The following HPSE2 variants were observed in gnomAD, a reference collection of about 807,000 sequenced individuals.
HPSE2 encodes heparanase 2 (inactive).
Under a neutral mutation model 60.5 loss-of-function variants are expected in HPSE2, and 38 were observed. The ratio of observed to expected loss-of-function variants is 0.63; its 90% CI spans 0.48 to 0.82. HPSE2 has a LOEUF of 0.82. Among genes scored for constraint, HPSE2 ranks in the 40% least tolerant of loss-of-function variants. The probability of loss-of-function intolerance (pLI) is 0.00; values close to 1 mark genes in which losing one functional copy is unlikely to be tolerated. For synonymous variants in HPSE2, 295 were observed against 293.2 expected (o/e 1.01, Z -0.06); for missense variants, 713 against 740.4 (o/e 0.96, Z 0.43).
At chr10:99,204,236 C>T (rs946797950) in intron 2 of HPSE2, among the ~76,000 whole-genome samples, 1 of 152,016 alleles carries the variant, frequency 6.6e-6, no homozygotes, top group South Asian at 2.1e-4. Flanking sequence ...AACAACAGAC[C>T]CACCCCAGTA....
rs955008685 is a variant in HPSE2 at position 98,714,248 on chromosome 10, G to C, written c.956+7409C>G. On this transcript the variant is annotated intron_variant, in intron 5 of 11. Transcript: ENST00000370552. ...CATATCATACAATTCACTCAGAGAA[G>C]TGTTCAATTCAGTAGTTTTTATTAT... Among the ~76,000 whole-genome samples the C allele has an allele frequency of 7.2e-5, 11 of 152,008 alleles. No individual in the cohort carries two copies. In the East Asian group the frequency reaches 1.9e-3, roughly 27 times the overall value.
At chr10:98,667,311 C>T (rs796386640) in intron 6 of HPSE2, among the ~76,000 whole-genome samples, 8 of 152,102 alleles carry the variant, frequency 5.3e-5, no homozygotes, top group African/African-American at 1.9e-4. Flanking sequence ...AAGGAGCCCT[C>T]ACACAGATGA....
At chr10:99,276,783 T>C in the HPSE2 span, among the ~76,000 whole-genome samples, 1 of 152,174 alleles carries the variant, frequency 6.6e-6, no homozygotes, top group African/African-American at 2.4e-5. Flanking sequence ...CATTTAGTTC[T>C]ACAGAAGTAC....
chr10:99,139,126 CT>C (rs1845771932), intron 3 of HPSE2, among the ~76,000 whole-genome samples: 1 of 152,146 alleles, frequency 6.6e-6, no homozygotes, highest in Admixed American at 6.5e-5. Flanking sequence ...AAAATGATGT[CT>C]TTTTCAGCAA....
At chr10:98,770,637 T>G (rs1391479574) in intron 3 of HPSE2, among the ~76,000 whole-genome samples, 1 of 152,040 alleles carries the variant, frequency 6.6e-6, no homozygotes, top group Non-Finnish European at 1.5e-5. Context: ...TAAGATGCCT[T>G]CCCTTCTCCT....
chr10:98,885,027 T>C (rs1203650212), intron 3 of HPSE2, among the ~76,000 whole-genome samples: 6 of 152,296 alleles, frequency 3.9e-5, no homozygotes, highest in East Asian at 3.9e-4. Flanking sequence ...CCTATGGAAA[T>C]GTTTCACCAC....
chr10:98,628,173 G>A (rs890726865), intron 7 of HPSE2, among the ~76,000 whole-genome samples: 2 of 152,168 alleles, frequency 1.3e-5, no homozygotes, highest in Non-Finnish European at 2.9e-5. Context: ...TTGGGGCACC[G>A]TGGGAGGCTT....
intron 3 of HPSE2, among the ~76,000 whole-genome samples, chr10:98,862,660 C>T (rs955804164): frequency 6.6e-6 from 1 of 152,058 alleles, no homozygotes; most frequent in East Asian, 1.9e-4. Context: ...GATAAAACAT[C>T]GGAATTGTAC....
chr10:99,099,711 T>A (rs1472541288), intron 3 of HPSE2, among the ~76,000 whole-genome samples: 2 of 152,100 alleles, frequency 1.3e-5, no homozygotes, highest in Non-Finnish European at 2.9e-5. Flanking sequence ...GGGTCCCTGA[T>A]CCCCGAGTAG....
intron 3 of HPSE2, among the ~76,000 whole-genome samples, chr10:98,795,075 G>GGAAGGAAA (rs1369753557): frequency 8.5e-5 from 11 of 129,902 alleles, no homozygotes; most frequent in Middle Eastern, 4.2e-3. Context: ...AAAGAAGGAA[G>GGAAGGAAA]GAAGGAAAGA....
intron 3 of HPSE2, among the ~76,000 whole-genome samples, chr10:99,082,736 A>T (rs1843188957): frequency 6.6e-6 from 1 of 152,232 alleles, no homozygotes; most frequent in Non-Finnish European, 1.5e-5. Flanking sequence ...GAAAAAATAA[A>T]TTCACAGGGA....
At chr10:98,770,573 G>A (rs1204271812) in intron 3 of HPSE2, among the ~76,000 whole-genome samples, 1 of 152,084 alleles carries the variant, frequency 6.6e-6, no homozygotes, top group Non-Finnish European at 1.5e-5. Context: ...AGATAATTTT[G>A]GCTTGAGGAC....
intron 9 of HPSE2, among the ~76,000 whole-genome samples, chr10:98,557,944 T>A (rs970908068): frequency 6.6e-6 from 1 of 151,998 alleles, no homozygotes; most frequent in African/African-American, 2.4e-5. Context: ...CCAGAATATA[T>A]AAAGAAAAGG....
At chr10:98,829,356 C>T (rs1159026569) in intron 3 of HPSE2, among the ~76,000 whole-genome samples, 1 of 152,058 alleles carries the variant, frequency 6.6e-6, no homozygotes, top group East Asian at 1.9e-4. Flanking sequence ...AGCGAAACCC[C>T]TTCTCTACTA....
At chr10:98,727,688 AC>A (rs1224416961) in intron 4 of HPSE2, among the ~76,000 whole-genome samples, 15 of 151,968 alleles carry the variant, frequency 9.9e-5, no homozygotes, top group East Asian at 1.9e-4. Context: ...ACAAAAAAAA[AC>A]AAACTAAAAA....
intron 6 of HPSE2, among the ~76,000 whole-genome samples, chr10:98,669,791 C>G (rs1308593033): frequency 6.6e-6 from 1 of 152,156 alleles, no homozygotes; most frequent in Non-Finnish European, 1.5e-5. Context: ...ATGCTCACTA[C>G]CTGGGTGACA....
At chr10:98,721,880 A>G in intron 4 of HPSE2, 52 bp from the exon 5 acceptor site, 2 of 1,444,684 alleles carry the variant, frequency 1.4e-6, no homozygotes, top group Non-Finnish European at 1.9e-6. Context: ...AGGTTCTGCC[A>G]ACACTTTCCT....
At chr10:98,939,684 G>A (rs543573458) in intron 3 of HPSE2, among the ~76,000 whole-genome samples, 2 of 143,374 alleles carry the variant, frequency 1.4e-5, no homozygotes, top group African/African-American at 5.7e-5. Context: ...GAGACAGAAA[G>A]TTAACAAGGA....
chr10:98,844,301 G>A (rs1322652650), intron 3 of HPSE2, among the ~76,000 whole-genome samples: 1 of 152,190 alleles, frequency 6.6e-6, no homozygotes, highest in Non-Finnish European at 1.5e-5. Flanking sequence ...AGAACAACTG[G>A]CTATGCGAGG....
Sources: allele counts gnomAD v4.1 joint callset (sites outside exome capture counted in the v4.1 genomes callset), GRCh38; gene constraint gnomAD v4.1.1; transcripts MANE v1.5; gene names NCBI Gene and HGNC (gene_info 2026-07-23, HGNC 2026-07-21).